Variants in ABCC4 observed in about 807,000 individuals in gnomAD.
ABCC4 encodes ATP-binding cassette sub-family C member 4.
Under a neutral mutation model 168.5 loss-of-function variants are expected in ABCC4, and 102 were observed. The observed-to-expected ratio is 0.61, with a 90% CI of 0.52 to 0.71. The LOEUF is 0.71. Among genes scored for constraint, ABCC4 ranks in the 30% least tolerant of loss-of-function variants. The pLI, the probability that ABCC4 is intolerant of heterozygous loss-of-function variation, is 0.00. For synonymous variants in ABCC4, 617 were observed against 590.7 expected, an observed-to-expected ratio of 1.04 and a Z score of -0.65; for missense variants, 1,402 against 1,605.8, an observed-to-expected ratio of 0.87 and a Z score of 2.17.
intron 1 of ABCC4, among the ~76,000 whole-genome samples, chr13:95,274,752 G>T (rs1042306984): frequency 2.6e-5 from 4 of 152,236 alleles, no homozygotes; most frequent in Admixed American, 6.5e-5. Flanking sequence ...GCCTCCTCCT[G>T]TGGCCACATC....
At chr13:95,175,112 C>A (rs1309083461) in intron 13 of ABCC4, among the ~76,000 whole-genome samples, 5 of 152,128 alleles carry the variant, frequency 3.3e-5, no homozygotes, top group Admixed American at 3.3e-4. Context: ...CGTAGAGCCC[C>A]ATGCTCAGTG....
intron 8 of ABCC4, among the ~76,000 whole-genome samples, chr13:95,198,149 A>C (rs2038514374): frequency 6.6e-6 from 1 of 152,222 alleles, no homozygotes; most frequent in African/African-American, 2.4e-5. Context: ...ACAGCAAAAG[A>C]AACTCTCATC....
At chr13:95,079,393 A>G (rs2034014291) in intron 21 of ABCC4, among the ~76,000 whole-genome samples, 1 of 152,234 alleles carries the variant, frequency 6.6e-6, no homozygotes, top group Non-Finnish European at 1.5e-5. Context: ...GACGCTGTGT[A>G]GGACCTCTCA....
At chr13:95,157,792 C>T (rs146969609) in intron 19 of ABCC4, among the ~76,000 whole-genome samples, 5,588 of 152,196 alleles carry the variant, frequency 0.037, 325 homozygotes, top group African/African-American at 0.12. Context: ...AACTTCAGGC[C>T]GGGCGCGGTG....
chr13:95,226,823 C>T (rs998906249), intron 4 of ABCC4, among the ~76,000 whole-genome samples: 1 of 152,156 alleles, frequency 6.6e-6, no homozygotes, highest in African/African-American at 2.4e-5. Context: ...GAGGTTTATA[C>T]CTACAAGTCC....
At position 95,244,641 on chromosome 13, in the gene ABCC4, G is replaced by GAAAGA; in HGVS notation, c.306+2329_306+2333dup. Among the ~76,000 whole-genome samples, 2 of 83,100 alleles carry GAAAGA rather than the reference G, an allele frequency of 2.4e-5. 1 individual carries two copies. Among genetic ancestry groups the GAAAGA allele is most frequent in the African/African-American group, 1.2e-4 (2 of 16,848 alleles). 54.5% of individuals were successfully genotyped at this position (83,100 alleles called of 152,430 possible). On this transcript the variant is annotated intron_variant, in intron 3 of 30. Transcript: ENST00000645237. ...AGAAAGAAAGAAAGAAAGAAAGAAA[G>GAAAGA]AAAGAAAGAAAGAAAGAAAGAAAGA... is the stretch of plus-strand genomic sequence containing the variant.
At chr13:95,272,404 A>C (rs73548833) in intron 1 of ABCC4, among the ~76,000 whole-genome samples, 1,845 of 152,318 alleles carry the variant, frequency 0.012, 32 homozygotes, top group African/African-American at 0.041. Flanking sequence ...AATCTAATTT[A>C]TACTGTTCAT....
At chr13:95,227,343 G>A (rs1207992415) in intron 4 of ABCC4, among the ~76,000 whole-genome samples, 1 of 152,176 alleles carries the variant, frequency 6.6e-6, no homozygotes, top group Non-Finnish European at 1.5e-5. Flanking sequence ...TGAGATTAAT[G>A]TCTCACAAAA....
chr13:95,104,576 A>T (rs2034932614), intron 20 of ABCC4, among the ~76,000 whole-genome samples: 1 of 152,208 alleles, frequency 6.6e-6, no homozygotes, highest in Non-Finnish European at 1.5e-5. Context: ...ATTTGTTAAC[A>T]ATTTTTTAAA....
intron 29 of ABCC4, among the ~76,000 whole-genome samples, chr13:95,037,084 C>CCAA (rs375534057): frequency 9.4e-6 from 1 of 105,898 alleles, no homozygotes; most frequent in Non-Finnish European, 1.8e-5. Context: ...ACTCTGTGTC[C>CCAA]AAAAAAAAAA....
chr13:95,186,201 A>G, intron 11 of ABCC4, among the ~76,000 whole-genome samples: 1 of 150,790 alleles, frequency 6.6e-6, no homozygotes, highest in East Asian at 1.9e-4. Context: ...AAGTGTTCTT[A>G]TCTTCTAGAG....
At chr13:95,252,028 A>G (rs1487238819) in intron 1 of ABCC4, among the ~76,000 whole-genome samples, 3 of 152,116 alleles carry the variant, frequency 2.0e-5, no homozygotes, top group African/African-American at 7.2e-5. Context: ...ACCTTTAGTC[A>G]TTTAGTAGCC....
At chr13:95,291,771 A>G (rs1258761290) in intron 1 of ABCC4, among the ~76,000 whole-genome samples, 1 of 152,126 alleles carries the variant, frequency 6.6e-6, no homozygotes, top group Non-Finnish European at 1.5e-5. Context: ...AACATGATGA[A>G]ACTCCATCTC....
intron 30 of ABCC4, among the ~76,000 whole-genome samples, chr13:95,034,041 A>C (rs2032011137): frequency 6.6e-6 from 1 of 152,220 alleles, no homozygotes; most frequent in Non-Finnish European, 1.5e-5. Context: ...ATGAGGGGAA[A>C]ACCCAGGTCA....
At chr13:95,226,624 CT>C (rs2039473617) in intron 4 of ABCC4, among the ~76,000 whole-genome samples, 1 of 152,204 alleles carries the variant, frequency 6.6e-6, no homozygotes, top group South Asian at 2.1e-4. Flanking sequence ...TCAGGTCTGA[CT>C]GCTCTGAGTC....
chr13:95,034,539 G>T, intron 30 of ABCC4, 66 bp downstream of exon 30: 1 of 1,562,750 alleles, frequency 6.4e-7, no homozygotes. Flanking sequence ...CATACCCATG[G>T]TGCCAAATTG....
At chr13:95,257,735 G>A (rs2040428547) in intron 1 of ABCC4, among the ~76,000 whole-genome samples, 1 of 152,046 alleles carries the variant, frequency 6.6e-6, no homozygotes, top group South Asian at 2.1e-4. Context: ...TCAAACCCTT[G>A]TTGTTCAAGG....
intron 8 of ABCC4, among the ~76,000 whole-genome samples, chr13:95,195,904 G>A (rs2038401563): frequency 6.6e-6 from 1 of 151,984 alleles, no homozygotes; most frequent in East Asian, 1.9e-4. Context: ...AAAATGCTGG[G>A]TTTACAGGCA....
intron 20 of ABCC4, among the ~76,000 whole-genome samples, chr13:95,115,721 C>T (rs1170913419): frequency 6.6e-6 from 1 of 152,190 alleles, no homozygotes; most frequent in Non-Finnish European, 1.5e-5. Flanking sequence ...TGTATAGCCA[C>T]TCCCACACAC....
Sources: gnomAD v4.1 joint callset for allele counts (sites outside exome capture counted in the v4.1 genomes callset) on GRCh38, gnomAD v4.1.1 for gene constraint, MANE v1.5 for transcripts, NCBI Gene and HGNC (gene_info 2026-07-23, HGNC 2026-07-21) for gene names.